MCTP2: variants seen among roughly 807,000 people sequenced by gnomAD.
MCTP2 encodes multiple C2 and transmembrane domain-containing protein 2.
In MCTP2, 132 loss-of-function variants were observed where a neutral mutation model predicts 111.6. The observed-to-expected ratio is 1.18, with a 90% CI of 1.03 to 1.37. The LOEUF (loss-of-function observed/expected upper bound fraction) is 1.37, where lower values mean the gene tolerates loss of function less well. MCTP2 is among the 40% of genes most tolerant of loss of function. MCTP2 has a pLI of 0.00. For missense variants in MCTP2, 1,183 were observed against 1,067.9 expected (o/e 1.11, Z -1.50); for synonymous variants, 395 against 387.7 (o/e 1.02, Z -0.22).
intron 8 of MCTP2, among the ~76,000 whole-genome samples, chr15:94,345,931 T>C (rs1010520211): frequency 9.9e-5 from 15 of 152,174 alleles, no homozygotes; most frequent in Admixed American, 9.8e-4. Context: ...GTGGTGGTGG[T>C]GGTGTGTGTG....
Position 94,374,609 on chromosome 15 carries a change from C to A in MCTP2, c.1582+4429C>A, listed in dbSNP as rs151066453. On this transcript the variant is annotated intron_variant, in intron 12 of 22. Transcript: ENST00000357742. ...TATAGCTACCTTCCTGTTACTTAAG[C>A]TTTCTCTTTATTAGTTTTATTCTCT... 2.4e-3 allele frequency among the ~76,000 whole-genome samples: 372 copies of A among 152,274 alleles called. 3 individuals are homozygous for A. The highest frequency in any genetic ancestry group is 8.5e-3 in the African/African-American group (353 of 41,558).
chr15:94,462,070 C>A (rs903343954), intron 20 of MCTP2, among the ~76,000 whole-genome samples: 3 of 152,122 alleles, frequency 2.0e-5, no homozygotes, highest in African/African-American at 7.2e-5. Context: ...GTTTTCATTT[C>A]CCTGGGAAGA....
intron 1 of MCTP2, among the ~76,000 whole-genome samples, chr15:94,236,377 C>CTTTTT (rs71132992): frequency 0.012 from 871 of 72,500 alleles, 98 homozygotes; most frequent in African/African-American, 0.027. Context: ...TCTTTTTTTT[C>CTTTTT]TTTTTTTTTT....
chr15:94,337,900 A>G (rs996474074), intron 4 of MCTP2, among the ~76,000 whole-genome samples: 2 of 152,166 alleles, frequency 1.3e-5, no homozygotes, highest in African/African-American at 4.8e-5. Context: ...CTTTTAAACC[A>G]TGGCTGCTAT....
intron 2 of MCTP2, among the ~76,000 whole-genome samples, chr15:94,300,191 A>T (rs975480977): frequency 6.6e-6 from 1 of 151,992 alleles, no homozygotes; most frequent in African/African-American, 2.4e-5. Flanking sequence ...TTTTGAAGCG[A>T]CTGCTGTTAA....
rs537665136 is a variant in MCTP2, at chr15:94,411,526, G to A, written c.2085+9507G>A. On this transcript the variant is annotated intron_variant, in intron 17 of 22. Coordinates refer to ENST00000357742, the MANE Select transcript of MCTP2 (RefSeq NM_001385001.1). Reference sequence around the variant, plus strand: ...ACAGTTACTAGAGAGCCCAGTAATCGTTCTAGCTGCCTGATCTGATGTTTA... The same window carrying A: ...ACAGTTACTAGAGAGCCCAGTAATCATTCTAGCTGCCTGATCTGATGTTTA... Among the ~76,000 whole-genome samples, 5 of 152,228 alleles carry A rather than the reference G, an allele frequency of 3.3e-5. No homozygotes were observed. The South Asian group carries it at 6.2e-4, about 19-fold the overall frequency.
In MCTP2 at chr15:94,255,757, C is replaced by T. The variant is rs112380210; in HGVS notation, c.-66+24093C>T. Among the ~76,000 whole-genome samples the T allele has an allele frequency of 4.6e-5, 7 of 152,188 alleles. 1 individual carries two copies. The highest frequency in any genetic ancestry group is 1.7e-4 in the African/African-American group (7 of 41,512). ...CGAGGCAGTTTCACAATTGAGTATC[C>T]TAGTGATCTTTGCTCAGGAAGCAGG... On this transcript the variant is annotated intron_variant, in intron 1 of 22. Coordinates refer to ENST00000357742, the MANE Select transcript of MCTP2 (RefSeq NM_001385001.1).
intron 17 of MCTP2, chr15:94,403,341 G>A: frequency 1.4e-6 from 1 of 713,960 alleles, no homozygotes; most frequent in East Asian, 1.3e-4. Flanking sequence ...CATGCGTTGA[G>A]TTCCCCTTCA....
At chr15:94,238,694 G>A (rs930649566) in intron 1 of MCTP2, among the ~76,000 whole-genome samples, 12 of 152,150 alleles carry the variant, frequency 7.9e-5, no homozygotes, top group Admixed American at 7.9e-4. Context: ...CGTTAAGGGT[G>A]AGGGACAGGG....
At chr15:94,245,085 CACAT>C (rs1364385816) in intron 1 of MCTP2, among the ~76,000 whole-genome samples, 84 of 149,250 alleles carry the variant, frequency 5.6e-4, no homozygotes, top group African/African-American at 1.4e-3. Flanking sequence ...TATATGTATA[CACAT>C]ACATATGTAC....
chr15:94,333,610 A>G (rs1420753930), intron 4 of MCTP2, among the ~76,000 whole-genome samples: 1 of 152,202 alleles, frequency 6.6e-6, no homozygotes, highest in East Asian at 1.9e-4. Flanking sequence ...TCAAGGTGGT[A>G]AGAGTTCCTA....
chr15:94,391,904 A>G (rs2080998814), intron 14 of MCTP2, among the ~76,000 whole-genome samples: 1 of 152,202 alleles, frequency 6.6e-6, no homozygotes, highest in Non-Finnish European at 1.5e-5. Flanking sequence ...ATTAAGTGGA[A>G]AAACCTCTTA....
chr15:94,353,509 G>A (rs925575183), intron 8 of MCTP2, among the ~76,000 whole-genome samples: 3 of 152,146 alleles, frequency 2.0e-5, no homozygotes, highest in African/African-American at 4.8e-5. Context: ...ATACCAAGCC[G>A]CAAAATTATT....
chr15:94,474,092 T>C (rs1263985733), intron 21 of MCTP2, among the ~76,000 whole-genome samples: 1 of 152,192 alleles, frequency 6.6e-6, no homozygotes, highest in East Asian at 1.9e-4. Context: ...CACTTGCTTT[T>C]TTTCTGTTCT....
In MCTP2 at chr15:94,437,212, A is replaced by G. The variant is rs1389234375; in HGVS notation, c.2086-2964A>G. Among the ~76,000 whole-genome samples the G allele has an allele frequency of 4.6e-5, 7 of 151,290 alleles. No homozygotes were observed. In the South Asian group the frequency reaches 1.5e-3, roughly 32 times the overall value. ...GCACTAGGAGGAACGTAACATATAG[A>G]ATGGAAGAAGGTGAAGGAAAATCGT... is the stretch of plus-strand genomic sequence containing the variant. On this transcript the variant is annotated intron_variant, in intron 17 of 22. Coordinates refer to ENST00000357742, the MANE Select transcript of MCTP2 (RefSeq NM_001385001.1).
chr15:94,432,908 TA>T (rs1360349385), intron 17 of MCTP2, among the ~76,000 whole-genome samples: 1 of 152,210 alleles, frequency 6.6e-6, no homozygotes, highest in Non-Finnish European at 1.5e-5. Flanking sequence ...AACTACTTTT[TA>T]GTAGAGGCAT....
chr15:94,290,018 T>C (rs945934266), intron 1 of MCTP2, among the ~76,000 whole-genome samples: 3 of 152,134 alleles, frequency 2.0e-5, no homozygotes, highest in African/African-American at 7.2e-5. Context: ...TCAGGGAATG[T>C]GGGCGGCCTC....
At chr15:94,395,119 A>G (rs2081214131) in intron 14 of MCTP2, among the ~76,000 whole-genome samples, 1 of 152,198 alleles carries the variant, frequency 6.6e-6, no homozygotes, top group Admixed American at 6.5e-5. Flanking sequence ...ATGTGAATGG[A>G]TACCGAGTAA....
intron 20 of MCTP2, among the ~76,000 whole-genome samples, chr15:94,460,597 A>G (rs1356282207): frequency 1.3e-5 from 2 of 152,236 alleles, no homozygotes; most frequent in African/African-American, 4.8e-5. Flanking sequence ...GAACATCTCT[A>G]AAAGACAAAA....
Sources: gnomAD v4.1 joint callset for allele counts (sites outside exome capture counted in the v4.1 genomes callset) on GRCh38, gnomAD v4.1.1 for gene constraint, MANE v1.5 for transcripts, NCBI Gene and HGNC (gene_info 2026-07-23, HGNC 2026-07-21) for gene names.